The following MAML2 variants were observed in gnomAD, a reference collection of about 807,000 sequenced individuals.
The protein encoded by MAML2 is mastermind-like protein 2.
In MAML2, 22 loss-of-function variants were observed where a neutral mutation model predicts 96.1. The ratio of observed to expected loss-of-function variants is 0.23; its 90% CI spans 0.16 to 0.33. The LOEUF (loss-of-function observed/expected upper bound fraction) is 0.33. MAML2 is among the 10% of genes least tolerant of loss of function. The pLI, the probability that MAML2 is intolerant of heterozygous loss-of-function variation, is 1.00. For synonymous variants in MAML2, 561 were observed against 521.3 expected, an observed-to-expected ratio of 1.08 and a Z score of -1.04; for missense variants, 1,367 against 1,392.4, an observed-to-expected ratio of 0.98 and a Z score of 0.29.
chr11:96,150,405 G>C (rs1466782234), intron 1 of MAML2, among the ~76,000 whole-genome samples: 1 of 152,140 alleles, frequency 6.6e-6, no homozygotes, highest in Admixed American at 6.5e-5. Flanking sequence ...TAGGGTGCCC[G>C]GGAAGACTTC....
At chr11:96,280,069 T>C (rs1369287738) in intron 1 of MAML2, among the ~76,000 whole-genome samples, 2 of 152,222 alleles carry the variant, frequency 1.3e-5, no homozygotes, top group Non-Finnish European at 2.9e-5. Context: ...GATATAGCTC[T>C]ACACAGCCAT....
intron 1 of MAML2, among the ~76,000 whole-genome samples, chr11:96,194,418 T>C (rs1215634562): frequency 1.3e-5 from 2 of 152,236 alleles, no homozygotes; most frequent in African/African-American, 2.4e-5. Context: ...TCAAATTTTG[T>C]AGAGTGACTC....
chr11:96,120,702 C>G (rs1044035548), intron 1 of MAML2, among the ~76,000 whole-genome samples: 6 of 152,170 alleles, frequency 3.9e-5, no homozygotes, highest in African/African-American at 1.4e-4. Context: ...TTTTCCCTTT[C>G]TTTGTCCTCA....
At chr11:96,209,227 T>C (rs1273155602) in intron 1 of MAML2, among the ~76,000 whole-genome samples, 1 of 103,824 alleles carries the variant, frequency 9.6e-6, no homozygotes, top group Non-Finnish European at 1.8e-5. Context: ...TAACTTTTTT[T>C]GGGTGGGGGG....
chr11:96,042,079 C>T (rs927310412), intron 2 of MAML2, among the ~76,000 whole-genome samples: 17 of 151,802 alleles, frequency 1.1e-4, no homozygotes, highest in Non-Finnish European at 2.5e-4. Flanking sequence ...CGGGTTCAGG[C>T]CATTCTCCTG....
intron 2 of MAML2, among the ~76,000 whole-genome samples, chr11:96,083,335 G>C (rs1859557355): frequency 6.6e-6 from 1 of 152,028 alleles, no homozygotes; most frequent in African/African-American, 2.4e-5. Flanking sequence ...TTCAGGATGA[G>C]AGAAAAAAAG....
At chr11:96,210,402 C>A (rs1258715445) in intron 1 of MAML2, among the ~76,000 whole-genome samples, 4 of 152,188 alleles carry the variant, frequency 2.6e-5, no homozygotes, top group African/African-American at 9.7e-5. Flanking sequence ...AGCCACTGTG[C>A]CCACCTGCCT....
At chr11:96,166,768 AT>A (rs1339324682) in intron 1 of MAML2, among the ~76,000 whole-genome samples, 1 of 152,168 alleles carries the variant, frequency 6.6e-6, no homozygotes, top group Non-Finnish European at 1.5e-5. Flanking sequence ...GAGGAGTTTC[AT>A]TTTCCTAAAA....
At chr11:96,335,219 AT>A (rs933026859) in intron 1 of MAML2, among the ~76,000 whole-genome samples, 7 of 152,244 alleles carry the variant, frequency 4.6e-5, no homozygotes, top group African/African-American at 1.7e-4. Flanking sequence ...AAGCAAGGAA[AT>A]AAGTACATCT....
intron 1 of MAML2, among the ~76,000 whole-genome samples, chr11:96,318,294 A>G (rs139893197): frequency 4.1e-4 from 62 of 152,340 alleles, no homozygotes; most frequent in Admixed American, 7.2e-4. Context: ...GAGTCAAGCA[A>G]CATGCCCAAG....
At chr11:96,121,978 T>C (rs1430748330) in intron 1 of MAML2, among the ~76,000 whole-genome samples, 2 of 104,738 alleles carry the variant, frequency 1.9e-5, no homozygotes, top group African/African-American at 7.1e-5. Flanking sequence ...TTTTTTTTTT[T>C]TTTTGTATTT....
chr11:96,161,519 G>A (rs376713477), intron 1 of MAML2, among the ~76,000 whole-genome samples: 4 of 152,130 alleles, frequency 2.6e-5, no homozygotes, highest in South Asian at 2.1e-4. Flanking sequence ...TGGCAGGGAG[G>A]TCACTTGAGA....
intron 1 of MAML2, among the ~76,000 whole-genome samples, chr11:96,274,768 A>C (rs974936390): frequency 2.6e-5 from 4 of 152,206 alleles, no homozygotes; most frequent in African/African-American, 4.8e-5. Context: ...TTAGATGTTT[A>C]ATTTGGAAAA....
intron 2 of MAML2, among the ~76,000 whole-genome samples, chr11:96,059,970 G>A (rs1859129556): frequency 6.6e-6 from 1 of 152,150 alleles, no homozygotes; most frequent in Non-Finnish European, 1.5e-5. Context: ...ATGCTAAAAG[G>A]TGCTGGGGGA....
chr11:96,027,069 C>G (rs542418241), intron 2 of MAML2, among the ~76,000 whole-genome samples: 1 of 152,106 alleles, frequency 6.6e-6, no homozygotes, highest in Non-Finnish European at 1.5e-5. Context: ...GATACTGGTG[C>G]CTCTGGAGTT....
At chr11:96,020,193 C>T (rs917695054) in intron 2 of MAML2, among the ~76,000 whole-genome samples, 1 of 152,172 alleles carries the variant, frequency 6.6e-6, no homozygotes, top group Non-Finnish European at 1.5e-5. Context: ...TAAAGACCAT[C>T]AAATATTGCC....
intron 1 of MAML2, among the ~76,000 whole-genome samples, chr11:96,280,709 C>T (rs1039352306): frequency 6.6e-6 from 1 of 152,142 alleles, no homozygotes; most frequent in Non-Finnish European, 1.5e-5. Flanking sequence ...AGGGTGCTGC[C>T]CTATTTGCAA....
At chr11:96,101,879 C>T (rs568040286) in intron 1 of MAML2, among the ~76,000 whole-genome samples, 1 of 152,336 alleles carries the variant, frequency 6.6e-6, no homozygotes, top group South Asian at 2.1e-4. Flanking sequence ...TCAACAGATA[C>T]TTATTTAGCA....
At position 96,342,377 on chromosome 11, in the gene MAML2, G is replaced by T; in HGVS notation, c.-482C>A. The T allele has an allele frequency of 5.0e-6, 2 of 399,666 alleles. No homozygotes were observed. Among genetic ancestry groups the T allele is most frequent in the Non-Finnish European group, 8.8e-6 (2 of 226,948 alleles). The allele number at this position is 399,666 out of a possible 1,614,324, so 24.8% of individuals were successfully genotyped here. On this transcript the variant is annotated 5_prime_UTR_variant, in exon 1 of 5. Coordinates refer to ENST00000524717, the MANE Select transcript of MAML2 (RefSeq NM_032427.4). ...AGTTGTTTCCGACAATTCTTTATGG[G>T]GATGTTTCTGCAGAGAAACACATTT...
Sources: gnomAD v4.1 joint callset for allele counts (sites outside exome capture counted in the v4.1 genomes callset) on GRCh38, gnomAD v4.1.1 for gene constraint, MANE v1.5 for transcripts, NCBI Gene and HGNC (gene_info 2026-07-23, HGNC 2026-07-21) for gene names.